The following CNOT6 variants were observed in gnomAD, a reference collection of about 807,000 sequenced individuals.
The protein encoded by CNOT6 is CCR4-NOT transcription complex subunit 6.
CNOT6 carries 12 observed loss-of-function variants against 61.2 expected under a neutral mutation model. That is an observed-to-expected ratio of 0.20 (90% CI 0.13 to 0.32). CNOT6 has a LOEUF of 0.32. Ranked by LOEUF, CNOT6 falls within the 10% of genes least tolerant of loss-of-function variation. The pLI, the probability that CNOT6 is intolerant of heterozygous loss-of-function variation, is 1.00. For missense variants in CNOT6, 405 were observed against 663.9 expected (o/e 0.61, Z 4.28); for synonymous variants, 225 against 240.6 (o/e 0.94, Z 0.60).
At chr5:180,528,446 G>A (rs1182054607) in intron 1 of CNOT6, among the ~76,000 whole-genome samples, 1 of 152,178 alleles carries the variant, frequency 6.6e-6, no homozygotes, top group African/African-American at 2.4e-5. Flanking sequence ...GAGTAACTGG[G>A]ACTACAGGCG....
intron 4 of CNOT6, among the ~76,000 whole-genome samples, chr5:180,561,961 G>A (rs751693929): frequency 3.9e-5 from 6 of 152,136 alleles, no homozygotes; most frequent in African/African-American, 1.2e-4. Context: ...ATGGGACCAC[G>A]TTTTTTTCTT....
chr5:180,519,537 ATT>A (rs1757789829), intron 1 of CNOT6, among the ~76,000 whole-genome samples: 1 of 152,190 alleles, frequency 6.6e-6, no homozygotes, highest in South Asian at 2.1e-4. Context: ...TTCAGGTAAA[ATT>A]TACATAAAAT....
At chr5:180,545,877 A>G (rs1252241454) in intron 2 of CNOT6, among the ~76,000 whole-genome samples, 1 of 152,208 alleles carries the variant, frequency 6.6e-6, no homozygotes, top group Non-Finnish European at 1.5e-5. Flanking sequence ...ATGTAGTGCT[A>G]TCTCAGAGTG....
intron 1 of CNOT6, among the ~76,000 whole-genome samples, chr5:180,514,027 G>T (rs1021870472): frequency 6.6e-6 from 1 of 151,704 alleles, no homozygotes; most frequent in Non-Finnish European, 1.5e-5. Context: ...TAGAGATAGG[G>T]GTTTCCCTAT....
chr5:180,531,306 G>A (rs1298168414), intron 2 of CNOT6, among the ~76,000 whole-genome samples: 2 of 151,764 alleles, frequency 1.3e-5, no homozygotes, highest in Middle Eastern at 3.4e-3. Context: ...CCTCCCAGAC[G>A]GGGTAGCGGT....
intron 1 of CNOT6, among the ~76,000 whole-genome samples, chr5:180,512,225 A>G (rs1227915397): frequency 6.6e-6 from 1 of 152,218 alleles, no homozygotes; most frequent in Admixed American, 6.5e-5. Flanking sequence ...TTTGTGAGAA[A>G]ACAGCTTGTG....
Position 180,569,278 on chromosome 5 carries a change from T to C in CNOT6, c.1196T>C (p.Leu399Ser), listed in dbSNP as rs749766287. 28 of 1,614,128 alleles carry C rather than the reference T, an allele frequency of 1.7e-5. No individual in the cohort carries two copies. Among genetic ancestry groups the C allele is most frequent in the Non-Finnish European group, 2.4e-5 (28 of 1,180,044 alleles). The change falls in exon 10 of 12, where the codon TTG becomes TCG. Residue 399 changes from leucine (L) to serine (S), a missense_variant. By Grantham distance (145) the Leu-to-Ser change is moderately radical. Around this residue, in one of 5 missense-constraint regions of CNOT6, gnomAD observed 116 missense variants for 184.6 expected, o/e 0.63. Coordinates refer to ENST00000261951, the MANE Select transcript of CNOT6 (RefSeq NM_001370472.1). The part of the protein sequence containing the change: ...KASRNLKSSV[L>S]GEFGTIPLVL... ...TCTCGCAACCTCAAATCCAGTGTTT[T>C]GGGAGAATTTGGAACTATTCCACTT...
At chr5:180,551,960 C>G (rs768396244) in intron 3 of CNOT6, among the ~76,000 whole-genome samples, 13 of 148,896 alleles carry the variant, frequency 8.7e-5, no homozygotes, top group Non-Finnish European at 9.0e-5. Context: ...ACCTCTGCCT[C>G]CGGGTTCAAG....
At chr5:180,499,892 A>G (rs1756787214) in intron 1 of CNOT6, among the ~76,000 whole-genome samples, 5 of 152,172 alleles carry the variant, frequency 3.3e-5, no homozygotes, top group South Asian at 4.1e-4. Context: ...CTCTTAACCC[A>G]TAATAAACTG....
intron 2 of CNOT6, among the ~76,000 whole-genome samples, chr5:180,540,096 C>T (rs1049094822): frequency 6.6e-6 from 1 of 151,786 alleles, no homozygotes; most frequent in Non-Finnish European, 1.5e-5. Flanking sequence ...AATTTTAATT[C>T]CATTTTTGGA....
intron 2 of CNOT6, among the ~76,000 whole-genome samples, chr5:180,546,892 C>T (rs1239109663): frequency 6.6e-6 from 1 of 152,126 alleles, no homozygotes; most frequent in African/African-American, 2.4e-5. Flanking sequence ...TTTTTGAATG[C>T]TTACATATAT....
At position 180,497,093 on chromosome 5, in the gene CNOT6, C is replaced by T. The variant is rs149461243; in HGVS notation, c.-3+2330C>T. On this transcript the variant is annotated intron_variant, in intron 1 of 11. Coordinates refer to ENST00000261951, the MANE Select transcript of CNOT6 (RefSeq NM_001370472.1). ...CTGTAATCCCAGCACTTTCGGAGGC[C>T]GAGATGGGTGGATCACCTGAGGTCA... Among the ~76,000 whole-genome samples, 959 of 152,110 alleles carry T rather than the reference C, an allele frequency of 6.3e-3. 2 individuals are homozygous for T. Among genetic ancestry groups the T allele is most frequent in the Middle Eastern group, 0.01 (3 of 292 alleles).
intron 2 of CNOT6, among the ~76,000 whole-genome samples, chr5:180,530,537 C>T (rs887355814): frequency 6.7e-6 from 1 of 149,766 alleles, no homozygotes; most frequent in Non-Finnish European, 1.5e-5. Context: ...ACACGGGTCT[C>T]TCCTGTTTTC....
intron 1 of CNOT6, among the ~76,000 whole-genome samples, chr5:180,524,241 A>T (rs1236825204): frequency 6.6e-6 from 1 of 152,188 alleles, no homozygotes; most frequent in African/African-American, 2.4e-5. Flanking sequence ...TTTAGGTAGT[A>T]ATCTTCAGTG....
intron 1 of CNOT6, among the ~76,000 whole-genome samples, chr5:180,512,411 A>G (rs1757435662): frequency 6.6e-6 from 1 of 152,230 alleles, no homozygotes; most frequent in Admixed American, 6.5e-5. Context: ...AAGATATAGA[A>G]GGAAATATTG....
At chr5:180,535,206 C>T (rs550994592) in intron 2 of CNOT6, among the ~76,000 whole-genome samples, 5 of 152,370 alleles carry the variant, frequency 3.3e-5, no homozygotes, top group Admixed American at 2.6e-4. Context: ...GTCACAAGTA[C>T]GGTTTTCTTA....
chr5:180,518,755 C>CAA (rs1757756950), intron 1 of CNOT6, among the ~76,000 whole-genome samples: 1 of 152,246 alleles, frequency 6.6e-6, no homozygotes, highest in African/African-American at 2.4e-5. Context: ...CCTGCCTTGG[C>CAA]CTCCCAAAGT....
At chr5:180,543,346 A>G (rs1212405018) in intron 2 of CNOT6, among the ~76,000 whole-genome samples, 2 of 152,186 alleles carry the variant, frequency 1.3e-5, no homozygotes, top group African/African-American at 4.8e-5. Context: ...GGCGTGAGCC[A>G]GTGCACCCGG....
chr5:180,494,993 C>T (rs1008653678), intron 1 of CNOT6, among the ~76,000 whole-genome samples: 1 of 149,646 alleles, frequency 6.7e-6, no homozygotes, highest in East Asian at 2.0e-4. Context: ...CGTTGATTGA[C>T]GGCGGCGGCG....
Sources: gnomAD v4.1 joint callset for allele counts (sites outside exome capture counted in the v4.1 genomes callset) on GRCh38, gnomAD v4.1.1 for gene constraint, gnomAD v4.1.1 regional missense constraint, MANE v1.5 for transcripts, NCBI Gene and HGNC (gene_info 2026-07-23, HGNC 2026-07-21) for gene names.